Variants in C8orf34 observed in about 807,000 individuals in gnomAD.
C8orf34 encodes chromosome 8 open reading frame 34, also known as uncharacterized protein C8orf34.
A neutral mutation model predicts 68.3 loss-of-function variants in C8orf34; 65 were observed. That is an observed-to-expected ratio of 0.95 (90% confidence interval 0.78 to 1.17). The LOEUF is 1.17. Ranked by LOEUF, C8orf34 falls within the 50% of genes most tolerant of loss-of-function variation. C8orf34 has a pLI of 0.00. For synonymous variants in C8orf34, 244 were observed against 241.2 expected, an observed-to-expected ratio of 1.01 and a Z score of -0.11; for missense variants, 664 against 655.4, an observed-to-expected ratio of 1.01 and a Z score of -0.14.
At chr8:68,716,232 G>A (rs1379595341) in intron 9 of C8orf34, among the ~76,000 whole-genome samples, 2 of 151,716 alleles carry the variant, frequency 1.3e-5, no homozygotes, top group African/African-American at 4.8e-5. Context: ...TCCAGTGATG[G>A]GTGCACCAAA....
chr8:68,510,532 T>G (rs1032084317), intron 5 of C8orf34, among the ~76,000 whole-genome samples: 1 of 152,194 alleles, frequency 6.6e-6, no homozygotes, highest in Non-Finnish European at 1.5e-5. Context: ...TAGTCTAAAA[T>G]GTAGGCAAAA....
intron 4 of C8orf34, among the ~76,000 whole-genome samples, chr8:68,469,365 G>T (rs1812282259): frequency 6.6e-6 from 1 of 151,792 alleles, no homozygotes; most frequent in Non-Finnish European, 1.5e-5. Context: ...TAATAAATCA[G>T]ATAAATCATT....
intron 3 of C8orf34, among the ~76,000 whole-genome samples, chr8:68,460,766 G>A (rs1448666925): frequency 6.6e-6 from 1 of 152,094 alleles, no homozygotes; most frequent in African/African-American, 2.4e-5. Context: ...CAAACAGAAA[G>A]GACATCCACA....
chr8:68,581,047 G>A (rs888788013), intron 7 of C8orf34, among the ~76,000 whole-genome samples: 4 of 152,112 alleles, frequency 2.6e-5, no homozygotes, highest in African/African-American at 4.8e-5. Flanking sequence ...TGTTGGCTAC[G>A]TCTGAAAGGA....
At chr8:68,678,594 A>C (rs1049988987) in intron 8 of C8orf34, among the ~76,000 whole-genome samples, 1 of 152,182 alleles carries the variant, frequency 6.6e-6, no homozygotes, top group African/African-American at 2.4e-5. Flanking sequence ...AACATACCTC[A>C]ACTAAACAAA....
chr8:68,492,483 C>A (rs1011100970), intron 5 of C8orf34, among the ~76,000 whole-genome samples: 1 of 152,044 alleles, frequency 6.6e-6, no homozygotes, highest in African/African-American at 2.4e-5. Flanking sequence ...TCCTTCTCAG[C>A]CTCCCAAGGG....
At chr8:68,539,654 C>T (rs1402034297) in intron 7 of C8orf34, among the ~76,000 whole-genome samples, 3 of 152,032 alleles carry the variant, frequency 2.0e-5, no homozygotes, top group Admixed American at 1.3e-4. Flanking sequence ...GAGTTCGAGA[C>T]CAGCCTGGCC....
chr8:68,441,498 TTTC>T (rs1810909527), intron 2 of C8orf34, among the ~76,000 whole-genome samples: 1 of 152,114 alleles, frequency 6.6e-6, no homozygotes, highest in Non-Finnish European at 1.5e-5. Flanking sequence ...TTCTTCCTTC[TTTC>T]TTCTTCTTTA....
At chr8:68,788,687 C>T (rs1434225986) in intron 12 of C8orf34, among the ~76,000 whole-genome samples, 2 of 151,960 alleles carry the variant, frequency 1.3e-5, no homozygotes, top group Non-Finnish European at 2.9e-5. Context: ...GGTGAAACCC[C>T]GTCACTACTA....
chr8:68,521,739 C>A, intron 5 of C8orf34, 60 bp from the exon 6 acceptor site: 1 of 1,454,474 alleles, frequency 6.9e-7, no homozygotes, highest in Non-Finnish European at 9.3e-7. Flanking sequence ...CTTTATTTCC[C>A]TGTTGTCCTG....
intron 7 of C8orf34, among the ~76,000 whole-genome samples, chr8:68,617,001 G>A (rs1355588021): frequency 1.3e-5 from 2 of 152,314 alleles, no homozygotes; most frequent in African/African-American, 4.8e-5. Context: ...ATTTAGGATA[G>A]TTAGCTCTTC....
At chr8:68,407,312 A>G (rs1809244584) in intron 1 of C8orf34, among the ~76,000 whole-genome samples, 1 of 151,902 alleles carries the variant, frequency 6.6e-6, no homozygotes, top group African/African-American at 2.4e-5. Context: ...AAAATATCCT[A>G]ATTCCCTGGC....
intron 1 of C8orf34, among the ~76,000 whole-genome samples, chr8:68,433,921 A>T (rs1250110193): frequency 6.6e-6 from 1 of 152,140 alleles, no homozygotes; most frequent in Non-Finnish European, 1.5e-5. Flanking sequence ...CATTGTTACT[A>T]GTTAGTATTC....
At chr8:68,726,616 T>C (rs908471250) in intron 10 of C8orf34, among the ~76,000 whole-genome samples, 4 of 152,072 alleles carry the variant, frequency 2.6e-5, no homozygotes, top group Admixed American at 2.6e-4. Context: ...ATGCTGCTGA[T>C]AAAAACATAT....
chr8:68,366,862 C>T (rs1362349596), intron 1 of C8orf34, among the ~76,000 whole-genome samples: 1 of 144,484 alleles, frequency 6.9e-6, no homozygotes, highest in Non-Finnish European at 1.5e-5. Flanking sequence ...TCTAAAACAC[C>T]AAAAGCAATG....
chr8:68,762,962 G>A (rs1276568309), intron 10 of C8orf34, among the ~76,000 whole-genome samples: 2 of 152,168 alleles, frequency 1.3e-5, no homozygotes, highest in African/African-American at 2.4e-5. Flanking sequence ...TGTCTTAGAT[G>A]TAATGAAGCA....
At position 68,738,662 on chromosome 8, in the gene C8orf34, T is replaced by G. The variant is rs143775510; in HGVS notation, c.1404+17225T>G. Among the ~76,000 whole-genome samples the G allele has an allele frequency of 1.5e-3, 232 of 152,184 alleles. 5 individuals are homozygous for G. In the East Asian group the frequency reaches 0.04, roughly 26 times the overall value. Reference sequence around the variant, plus strand: ...TCAGATAATAATATAAGCACATCTATGCAGATAAGCTAGAAAATCTAGAGG... The same window carrying G: ...TCAGATAATAATATAAGCACATCTAGGCAGATAAGCTAGAAAATCTAGAGG... On this transcript the variant is annotated intron_variant, in intron 10 of 13. Coordinates refer to ENST00000518698, the MANE Select transcript of C8orf34 (RefSeq NM_052958.4).
chr8:68,674,167 C>A (rs1820106632), intron 8 of C8orf34, among the ~76,000 whole-genome samples: 2 of 152,022 alleles, frequency 1.3e-5, no homozygotes, highest in African/African-American at 4.8e-5. Context: ...AAACCCTTCC[C>A]AAGAAGGACA....
chr8:68,473,698 C>T (rs75144121), intron 4 of C8orf34, among the ~76,000 whole-genome samples: 2,312 of 152,222 alleles, frequency 0.015, 68 homozygotes, highest in African/African-American at 0.051. Flanking sequence ...CTTTTTAACT[C>T]ATATGTCAGT....
Sources: allele counts gnomAD v4.1 joint callset (sites outside exome capture counted in the v4.1 genomes callset), GRCh38; gene constraint gnomAD v4.1.1; transcripts MANE v1.5; gene names NCBI Gene and HGNC (gene_info 2026-07-23, HGNC 2026-07-21).